Variants in CCDC144A observed in about 807,000 individuals in gnomAD.
CCDC144A encodes coiled-coil domain containing 144A.
Under a neutral mutation model 143.8 loss-of-function variants are expected in CCDC144A, and 41 were observed. That is an observed-to-expected ratio of 0.29 (90% CI 0.22 to 0.37). CCDC144A has a LOEUF of 0.37. Ranked by LOEUF, CCDC144A falls within the 10% of genes least tolerant of loss-of-function variation. CCDC144A has a pLI of 1.00. For missense variants in CCDC144A, 637 were observed against 1,488.8 expected, an observed-to-expected ratio of 0.43 and a Z score of 9.41; for synonymous variants, 242 against 517.9, an observed-to-expected ratio of 0.47 and a Z score of 7.23.
chr17:16,736,675 A>G (rs1442962337), intron 12 of CCDC144A, among the ~76,000 whole-genome samples: 1 of 151,930 alleles, frequency 6.6e-6, no homozygotes, highest in African/African-American at 2.4e-5. Flanking sequence ...CAGGATTCAC[A>G]TATAGCAGGA....
intron 12 of CCDC144A, among the ~76,000 whole-genome samples, chr17:16,744,149 T>G (rs1284190155): frequency 6.6e-6 from 1 of 152,206 alleles, no homozygotes; most frequent in East Asian, 1.9e-4. Flanking sequence ...GAACATTGGG[T>G]GCATGTGTCT....
chr17:16,757,220 CCTTGGTAG>C (rs1915132495), intron 12 of CCDC144A, among the ~76,000 whole-genome samples: 1 of 152,238 alleles, frequency 6.6e-6, no homozygotes, highest in Non-Finnish European at 1.5e-5. Context: ...ACCTTGGATC[CCTTGGTAG>C]CATGCATGGG....
intron 2 of CCDC144A, among the ~76,000 whole-genome samples, chr17:16,703,553 C>T (rs1911852745): frequency 1.3e-5 from 2 of 152,152 alleles, no homozygotes; most frequent in African/African-American, 2.4e-5. Flanking sequence ...GCCTGTAATG[C>T]CAGCACTTTG....
intron 12 of CCDC144A, among the ~76,000 whole-genome samples, chr17:16,744,479 A>G (rs572673749): frequency 6.9e-6 from 1 of 144,208 alleles, no homozygotes; most frequent in Non-Finnish European, 1.5e-5. Context: ...GCATTTTTTC[A>G]TATGTTTGCT....
At chr17:16,724,897 T>C (rs1281537546) in intron 8 of CCDC144A, among the ~76,000 whole-genome samples, 1 of 135,580 alleles carries the variant, frequency 7.4e-6, no homozygotes, top group Non-Finnish European at 1.6e-5. Flanking sequence ...GTGATCCACC[T>C]GCCTCGGCCT....
At chr17:16,698,680 C>T (rs1050879242) in intron 2 of CCDC144A, among the ~76,000 whole-genome samples, 1 of 152,140 alleles carries the variant, frequency 6.6e-6, no homozygotes, top group Non-Finnish European at 1.5e-5. Flanking sequence ...TGAATGCATT[C>T]CCAAACAAAC....
In CCDC144A at chr17:16,696,573, G is replaced by A. The variant is rs151306151; in HGVS notation, c.415+3524G>A. The stretch of plus-strand genomic sequence containing the variant: ...CACTTGAACCTTGGAGGCAGAGGCT[G>A]CAGTGAGCCAAGATCGCACCACTGC... On this transcript the variant is annotated intron_variant, in intron 2 of 16. Transcript: ENST00000399273. Among the ~76,000 whole-genome samples the A allele has an allele frequency of 1.1e-3, 161 of 149,916 alleles. 6 individuals carry two copies. In the East Asian group the frequency reaches 0.03, roughly 28 times the overall value.
At chr17:16,687,902 T>A (rs531077060), upstream of CCDC144A, among the ~76,000 whole-genome samples, 201 of 152,078 alleles carry the variant, frequency 1.3e-3, 1 homozygote, top group African/African-American at 4.7e-3. Flanking sequence ...ATTTTTTTTT[T>A]AGCACACTAA....
chr17:16,669,956 G>A, the CCDC144A span, among the ~76,000 whole-genome samples: 2 of 152,162 alleles, frequency 1.3e-5, no homozygotes, highest in Non-Finnish European at 2.9e-5. Flanking sequence ...GCTGAGGGGG[G>A]TGGATAATGA....
intron 12 of CCDC144A, among the ~76,000 whole-genome samples, chr17:16,755,782 A>C (rs1332078532): frequency 6.6e-5 from 10 of 152,208 alleles, no homozygotes; most frequent in Non-Finnish European, 1.2e-4. Flanking sequence ...GCTGGTCTTG[A>C]ACTCCTGAGC....
chr17:16,690,487 C>T lies in CCDC144A; in HGVS notation c.87C>T (p.Val29=). 6.2e-7 allele frequency: 1 copy of T among 1,613,460 alleles called. No homozygotes were observed. Among genetic ancestry groups the T allele is most frequent in the African/African-American group, 1.3e-5 (1 of 75,002 alleles). ...AVYATRKTPS[V]GSQGDQWYLG... Reference sequence around the variant, plus strand: ...ACGCCACGAGGAAGACCCCTAGCGTCGGGAGCCAGGGGGACCAGTGGTACT... The same window carrying T: ...ACGCCACGAGGAAGACCCCTAGCGTTGGGAGCCAGGGGGACCAGTGGTACT... The change falls in exon 1 of 17, where the codon GTC becomes GTT. Residue 29 remains valine (V), a synonymous_variant. Transcript: ENST00000399273.
At chr17:16,763,235 A>C (rs952980652) in intron 14 of CCDC144A, among the ~76,000 whole-genome samples, 9 of 151,902 alleles carry the variant, frequency 5.9e-5, no homozygotes, top group Non-Finnish European at 1.0e-4. Context: ...CATGGGCCGC[A>C]GTGTTAGGAG....
At chr17:16,761,819 T>C (rs1471457367) in intron 13 of CCDC144A, 101 bp downstream of exon 13, 1 of 1,261,130 alleles carries the variant, frequency 7.9e-7, no homozygotes, top group Non-Finnish European at 1.1e-6. Flanking sequence ...TTACAGCAAT[T>C]TGTTTGGTAG....
At chr17:16,763,303 A>G (rs1325430111) in intron 14 of CCDC144A, among the ~76,000 whole-genome samples, 1 of 151,610 alleles carries the variant, frequency 6.6e-6, no homozygotes, top group Non-Finnish European at 1.5e-5. Context: ...TATTCTCCCC[A>G]AGGAAAAGTC....
At position 16,709,285 on chromosome 17, in the gene CCDC144A, G is replaced by C. The variant is rs1912248101; in HGVS notation, c.1228G>C (p.Gly410Arg). 1 of 1,611,484 alleles carries C rather than the reference G, an allele frequency of 6.2e-7. No individual in the cohort carries two copies. Among genetic ancestry groups the C allele is most frequent in the African/African-American group, 1.3e-5 (1 of 74,806 alleles). The change falls in exon 5 of 17, where the codon GGC (glycine) becomes CGC (arginine). Residue 410 changes from glycine to arginine, a missense_variant. Gly to Arg is a moderately radical substitution (Grantham distance 125). Coordinates refer to ENST00000399273, the MANE Select transcript of CCDC144A (RefSeq NM_001382000.1). ...AGACTGCGACAATGATAACAAACCA[G>C]GCATTGGACATATTTTTAGTACAGA... ...KLDCDNDNKP[G>R]IGHIFSTDKN... is the part of the protein sequence containing the mutation.
At chr17:16,703,183 C>T (rs977866759) in intron 2 of CCDC144A, among the ~76,000 whole-genome samples, 2 of 152,074 alleles carry the variant, frequency 1.3e-5, no homozygotes, top group African/African-American at 4.8e-5. Context: ...TGTCCATTCC[C>T]TTTTAAAACA....
intron 8 of CCDC144A, among the ~76,000 whole-genome samples, chr17:16,724,102 T>G (rs1475191501): frequency 6.6e-6 from 1 of 151,888 alleles, no homozygotes; most frequent in Non-Finnish European, 1.5e-5. Context: ...TGACCTAGGG[T>G]TATTTAGATG....
intron 2 of CCDC144A, among the ~76,000 whole-genome samples, chr17:16,698,504 T>C (rs1322646648): frequency 6.6e-6 from 1 of 152,190 alleles, no homozygotes; most frequent in Non-Finnish European, 1.5e-5. Context: ...CTGCAGCAGC[T>C]CCCTGTACAG....
At chr17:16,698,187 T>C (rs1468649883) in intron 2 of CCDC144A, among the ~76,000 whole-genome samples, 2 of 152,168 alleles carry the variant, frequency 1.3e-5, no homozygotes, top group African/African-American at 4.8e-5. Flanking sequence ...GACAGAACCC[T>C]GGGCATATCA....
Sources: allele counts gnomAD v4.1 joint callset (sites outside exome capture counted in the v4.1 genomes callset), GRCh38; gene constraint gnomAD v4.1.1; transcripts MANE v1.5; gene names NCBI Gene and HGNC (gene_info 2026-07-23, HGNC 2026-07-21).